KLHL20: variants seen among roughly 807,000 people sequenced by gnomAD.
KLHL20 encodes kelch like family member 20.
In KLHL20, 29 loss-of-function variants were observed where a neutral mutation model predicts 69.5. The ratio of observed to expected loss-of-function variants is 0.42; its 90% CI spans 0.31 to 0.57. The LOEUF (loss-of-function observed/expected upper bound fraction) is 0.57, where lower values mean the gene tolerates loss of function less well. Among genes scored for constraint, KLHL20 ranks in the 20% least tolerant of loss-of-function variants. The probability of loss-of-function intolerance (pLI) is 0.18; values close to 1 mark genes in which losing one functional copy is unlikely to be tolerated. For missense variants in KLHL20, 419 were observed against 776.0 expected (o/e 0.54, Z 5.47); for synonymous variants, 253 against 265.2 (o/e 0.95, Z 0.45).
intron 2 of KLHL20, among the ~76,000 whole-genome samples, chr1:173,719,332 G>T (rs931768353): frequency 1.3e-5 from 2 of 151,866 alleles, no homozygotes; most frequent in African/African-American, 2.4e-5. Flanking sequence ...ATAAGTTCTG[G>T]CTGGGCGCAG....
Position 173,751,780 on chromosome 1 carries a change from A to G in KLHL20, c.614A>G (p.Glu205Gly), listed in dbSNP as rs538834557. 1 of 1,614,058 alleles carries G rather than the reference A, an allele frequency of 6.2e-7. No individual in the cohort carries two copies. The highest frequency in any genetic ancestry group is 1.1e-5 in the South Asian group (1 of 91,074). Reference protein sequence around the residue: ...HNFQEVMESEEFMLLPANQLI... With the variant: ...HNFQEVMESEGFMLLPANQLI... ...TTTGAACAGGTAATGGAGAGTGAAG[A>G]GTTCATGTTGCTTCCAGCCAATCAA... The change falls in exon 4 of 12, where the codon GAG (glutamate) becomes GGG (glycine). Residue 205 changes from glutamate to glycine, a missense_variant. Glu to Gly is a moderately conservative substitution (Grantham distance 98). This residue lies in a region of KLHL20 where 99 missense variants were observed against 240.7 expected (regional missense o/e 0.41). Transcript: ENST00000209884.
chr1:173,762,238 C>G (rs1396515480), intron 7 of KLHL20, among the ~76,000 whole-genome samples: 1 of 151,464 alleles, frequency 6.6e-6, no homozygotes, highest in Non-Finnish European at 1.5e-5. Context: ...TTAAAAATTA[C>G]AACAAAAAAA....
At chr1:173,768,816 A>G (rs765555110) in intron 8 of KLHL20, among the ~76,000 whole-genome samples, 23 of 152,222 alleles carry the variant, frequency 1.5e-4, no homozygotes, top group Non-Finnish European at 2.2e-4. Flanking sequence ...GGGAAAGAAT[A>G]TCCTCACAAA....
At chr1:173,734,813 A>G (rs774274536) in intron 3 of KLHL20, among the ~76,000 whole-genome samples, 1 of 152,250 alleles carries the variant, frequency 6.6e-6, no homozygotes, top group African/African-American at 2.4e-5. Context: ...AGCATAGGGT[A>G]CAATAGTGAA....
chr1:173,764,719 C>T (rs1166594039), intron 7 of KLHL20, among the ~76,000 whole-genome samples: 1 of 151,838 alleles, frequency 6.6e-6, no homozygotes, highest in African/African-American at 2.4e-5. Context: ...ACTTTGGGGA[C>T]TTGGGGGGAA....
chr1:173,770,632 G>T (rs953749978), intron 8 of KLHL20, among the ~76,000 whole-genome samples: 1 of 150,068 alleles, frequency 6.7e-6, no homozygotes, highest in Non-Finnish European at 1.5e-5. Flanking sequence ...GTGAGCCGAG[G>T]TCGCACCATT....
chr1:173,749,711 T>C (rs973051182), intron 3 of KLHL20, among the ~76,000 whole-genome samples: 1 of 152,184 alleles, frequency 6.6e-6, no homozygotes, highest in Non-Finnish European at 1.5e-5. Context: ...ATTCATAAAC[T>C]TCAAACTTGG....
chr1:173,776,373 T>C (rs1648471066), intron 10 of KLHL20, among the ~76,000 whole-genome samples: 1 of 152,146 alleles, frequency 6.6e-6, no homozygotes, highest in African/African-American at 2.4e-5. Flanking sequence ...CTGTGGGTTG[T>C]CTCTTCACTT....
At chr1:173,737,012 A>G (rs572550599) in intron 3 of KLHL20, among the ~76,000 whole-genome samples, 1 of 152,222 alleles carries the variant, frequency 6.6e-6, no homozygotes, top group East Asian at 1.9e-4. Context: ...TTTGTTGGCC[A>G]TTTGTATATC....
At chr1:173,719,317 A>G (rs1671612728) in intron 2 of KLHL20, among the ~76,000 whole-genome samples, 1 of 151,866 alleles carries the variant, frequency 6.6e-6, no homozygotes, top group Non-Finnish European at 1.5e-5. Flanking sequence ...ATGTGTAAGT[A>G]TAGAATAAGT....
chr1:173,726,257 A>G (rs1246503016), intron 2 of KLHL20, among the ~76,000 whole-genome samples: 1 of 152,034 alleles, frequency 6.6e-6, no homozygotes, highest in Non-Finnish European at 1.5e-5. Context: ...GGAAGCTCGA[A>G]CGTGGTGGAG....
intron 7 of KLHL20, among the ~76,000 whole-genome samples, chr1:173,765,131 C>CAACAAACA (rs59397312): frequency 6.6e-6 from 1 of 151,226 alleles, no homozygotes; most frequent in African/African-American, 2.4e-5. Flanking sequence ...CAATAAAACC[C>CAACAAACA]AACAAACAAA....
intron 2 of KLHL20, among the ~76,000 whole-genome samples, chr1:173,730,450 T>G (rs201760354): frequency 6.6e-6 from 1 of 151,246 alleles, no homozygotes; most frequent in Non-Finnish European, 1.5e-5. Flanking sequence ...GGAGGCATCA[T>G]GCTACCTGAC....
chr1:173,733,813 C>T lies in KLHL20; in HGVS notation c.124C>T (p.Arg42Cys), dbSNP rs1182804972. Residue 42 changes from arginine (R) to cysteine (C), a missense_variant, in exon 3 of 12, where the codon CGC becomes TGC. Transcript: ENST00000209884. ...GCCAGAAGGGGTTCCCCAACCTGCC[C>T]GCATGCCCTATATCTCAGACAAGCA... ...KLPEGVPQPARMPYISDKHPR... is the reference protein window; with the variant it reads ...KLPEGVPQPACMPYISDKHPR... The T allele has an allele frequency of 9.9e-6, 16 of 1,613,958 alleles. No homozygotes were observed. The highest frequency in any genetic ancestry group is 5.3e-5 in the African/African-American group (4 of 74,878).
chr1:173,727,998 G>A (rs1672062290), intron 2 of KLHL20, among the ~76,000 whole-genome samples: 2 of 152,116 alleles, frequency 1.3e-5, no homozygotes, highest in African/African-American at 4.8e-5. Context: ...GCTGTATTCA[G>A]GAAACCCATC....
At chr1:173,753,698 G>A (rs1434651753) in intron 5 of KLHL20, among the ~76,000 whole-genome samples, 1 of 152,070 alleles carries the variant, frequency 6.6e-6, no homozygotes, top group Admixed American at 6.6e-5. Context: ...TCTGGTTGGG[G>A]AATAGAATCA....
In KLHL20 at chr1:173,780,030, C is replaced by A. The variant is rs976533554; in HGVS notation, c.1639-2094C>A. 3.9e-5 allele frequency among the ~76,000 whole-genome samples: 6 copies of A among 152,234 alleles called. No individual in the cohort carries two copies. The South Asian group carries it at 1.2e-3, about 32-fold the overall frequency. On this transcript the variant is annotated intron_variant, in intron 10 of 11. Coordinates refer to ENST00000209884, the MANE Select transcript of KLHL20 (RefSeq NM_014458.4). ...CATGTCAGGAGTTCATCGAGACATC[C>A]ACAACAGGAAGGAGAAGCAAGCAGT...
chr1:173,739,288 G>C (rs1672684231), intron 3 of KLHL20, among the ~76,000 whole-genome samples: 1 of 152,032 alleles, frequency 6.6e-6, no homozygotes, highest in Non-Finnish European at 1.5e-5. Flanking sequence ...GCCCAGACTG[G>C]TCTTGAACTC....
At chr1:173,734,410 G>A (rs983653521) in intron 3 of KLHL20, 124 bp downstream of exon 3, 2 of 846,778 alleles carry the variant, frequency 2.4e-6, no homozygotes, top group South Asian at 3.0e-5. Context: ...AAATAAATAA[G>A]TTATTATAAA....
Sources: gnomAD v4.1 joint callset for allele counts (sites outside exome capture counted in the v4.1 genomes callset) on GRCh38, gnomAD v4.1.1 for gene constraint, gnomAD v4.1.1 regional missense constraint, MANE v1.5 for transcripts, NCBI Gene and HGNC (gene_info 2026-07-23, HGNC 2026-07-21) for gene names.